UGP2: variants seen among roughly 807,000 people sequenced by gnomAD.
The protein encoded by UGP2 is UDP-glucose pyrophosphorylase 2.
UGP2 carries 40 observed loss-of-function variants against 49.0 expected under a neutral mutation model. That is an observed-to-expected ratio of 0.82 (90% CI 0.63 to 1.06). The LOEUF is 1.06. Ranked by LOEUF, UGP2 falls within the 50% of genes least tolerant of loss-of-function variation. The pLI is 0.00. For missense variants in UGP2, 460 were observed against 603.5 expected, an observed-to-expected ratio of 0.76 and a Z score of 2.49; for synonymous variants, 225 against 213.0, an observed-to-expected ratio of 1.06 and a Z score of -0.49.
chr2:63,842,160 C>T lies in UGP2; in HGVS notation c.-26C>T, dbSNP rs749570144. The T allele has an allele frequency of 1.7e-5, 27 of 1,570,584 alleles. No individual in the cohort carries two copies. The highest frequency in any genetic ancestry group is 2.4e-5 in the South Asian group (2 of 84,346). On this transcript the variant is annotated 5_prime_UTR_variant, in exon 1 of 10. Coordinates refer to ENST00000337130, the MANE Select transcript of UGP2 (RefSeq NM_006759.4). ...CTCCTCTAGAAAAAAAAAAAAAAAGCCGGAGTATTTTACTAAGCCCCTAAA... is the reference window on the plus strand; with the variant it reads ...CTCCTCTAGAAAAAAAAAAAAAAAGTCGGAGTATTTTACTAAGCCCCTAAA...
chr2:63,875,205 G>T (rs1452536559), intron 3 of UGP2, among the ~76,000 whole-genome samples: 1 of 152,176 alleles, frequency 6.6e-6, no homozygotes, highest in African/African-American at 2.4e-5. Context: ...CAGTGTTCTT[G>T]GAACACTTTC....
intron 2 of UGP2, 68 bp downstream of exon 2, chr2:63,856,501 G>A (rs1669439720): frequency 6.7e-7 from 1 of 1,496,112 alleles, no homozygotes; most frequent in South Asian, 1.3e-5. Flanking sequence ...CTGAGTTGCT[G>A]CCGGTGATGA....
chr2:63,855,205 G>A (rs978567002), intron 1 of UGP2, among the ~76,000 whole-genome samples: 15 of 152,136 alleles, frequency 9.9e-5, no homozygotes, highest in Non-Finnish European at 1.5e-4. Flanking sequence ...TCAAATATAA[G>A]TGAAAGAATT....
At chr2:63,848,612 T>C (rs965130027) in intron 1 of UGP2, among the ~76,000 whole-genome samples, 1 of 152,220 alleles carries the variant, frequency 6.6e-6, no homozygotes, top group South Asian at 2.1e-4. Flanking sequence ...TCCGCCTGTC[T>C]TGGCCTCCCA....
At chr2:63,858,749 A>G (rs2104285715) in intron 3 of UGP2, among the ~76,000 whole-genome samples, 1 of 152,176 alleles carries the variant, frequency 6.6e-6, no homozygotes, top group South Asian at 2.1e-4. Context: ...TTTTCTTCCA[A>G]GAAAGAGTTA....
intron 3 of UGP2, among the ~76,000 whole-genome samples, chr2:63,870,445 C>T (rs1050756760): frequency 6.6e-6 from 1 of 152,050 alleles, no homozygotes; most frequent in African/African-American, 2.4e-5. Flanking sequence ...ATTTTATGAC[C>T]TATAAAATTT....
Position 63,886,247 on chromosome 2 carries a change from T to A in UGP2, c.874-94T>A, listed in dbSNP as rs557183764. 5.0e-6 allele frequency: 6 copies of A among 1,203,010 alleles called. No homozygotes were observed. In the African/African-American group the frequency reaches 6.1e-5, roughly 12 times the overall value. 74.5% of individuals were successfully genotyped at this position (1,203,010 alleles called of 1,614,324 possible). A position where few individuals can be genotyped will look rare whatever the true frequency, so the allele number is the denominator to read the frequency against. On this transcript the variant is annotated intron_variant, in intron 6 of 9. Transcript: ENST00000337130. ...ATTTACTCTGTTTCTACATAATGTATTTATATATTTTTTGTATAATCACTA... is the reference window on the plus strand; with the variant it reads ...ATTTACTCTGTTTCTACATAATGTAATTATATATTTTTTGTATAATCACTA...
chr2:63,884,534 G>A lies in UGP2; in HGVS notation c.575+441G>A, dbSNP rs141634687. Among the ~76,000 whole-genome samples, 751 of 152,248 alleles carry A rather than the reference G, an allele frequency of 4.9e-3. 1 individual carries two copies. The highest frequency in any genetic ancestry group is 0.044 in the Middle Eastern group (13 of 294). ...TGAGTAAAAAGTAAATTCAGATGAT[G>A]AATTCTGATTGAAGGCCAGGAAACT... is the stretch of plus-strand genomic sequence containing the variant. On this transcript the variant is annotated intron_variant, in intron 5 of 9. Coordinates refer to ENST00000337130, the MANE Select transcript of UGP2 (RefSeq NM_006759.4).
intron 3 of UGP2, among the ~76,000 whole-genome samples, chr2:63,881,904 A>G (rs1010277752): frequency 6.6e-6 from 1 of 152,216 alleles, no homozygotes; most frequent in African/African-American, 2.4e-5. Flanking sequence ...CCTTGTGCAT[A>G]CCTAGAAGTT....
intron 3 of UGP2, among the ~76,000 whole-genome samples, chr2:63,860,763 T>A (rs1248073033): frequency 2.4e-5 from 2 of 85,038 alleles, no homozygotes; most frequent in African/African-American, 6.9e-5. Context: ...GCCCAGCTAA[T>A]TTTTTTTTTT....
chr2:63,866,161 T>C (rs1264855687), intron 3 of UGP2, among the ~76,000 whole-genome samples: 2 of 152,204 alleles, frequency 1.3e-5, no homozygotes, highest in Non-Finnish European at 2.9e-5. Flanking sequence ...GTCTAAGCTC[T>C]TGGTCCACTT....
chr2:63,856,152 CTAGT>C, intron 1 of UGP2, 150 bp from the exon 2 acceptor site: 2 of 847,506 alleles, frequency 2.4e-6, no homozygotes, highest in Non-Finnish European at 1.8e-6. Flanking sequence ...CGAGTCCTAA[CTAGT>C]TGACACCACT....
chr2:63,870,015 T>C (rs898665417), intron 3 of UGP2, among the ~76,000 whole-genome samples: 3 of 150,272 alleles, frequency 2.0e-5, no homozygotes, highest in Non-Finnish European at 4.4e-5. Flanking sequence ...CTCCACCTCC[T>C]AGGTTTACAC....
chr2:63,879,254 A>G (rs1412159149), intron 3 of UGP2, among the ~76,000 whole-genome samples: 3 of 152,224 alleles, frequency 2.0e-5, no homozygotes, highest in Non-Finnish European at 4.4e-5. Flanking sequence ...AAAGATACCT[A>G]TCTAATGTAC....
Position 63,863,740 on chromosome 2 carries a change from A to G in UGP2, c.255+5804A>G, listed in dbSNP as rs115584823. On this transcript the variant is annotated intron_variant, in intron 3 of 9. Transcript: ENST00000337130. ...CATTTTTAAAATTCCCACTGAGTCA[A>G]AGGAAGGACAAGGTAATAACTAAGA... Among the ~76,000 whole-genome samples, 660 of 152,320 alleles carry G rather than the reference A, an allele frequency of 4.3e-3. 5 individuals are homozygous for G. The highest frequency in any genetic ancestry group is 6.7e-3 in the Non-Finnish European group (455 of 68,014).
chr2:63,854,891 C>T (rs2104271427), intron 1 of UGP2: 1 of 152,386 alleles, frequency 6.6e-6, no homozygotes, highest in African/African-American at 2.4e-5. Flanking sequence ...AAGTCTGCCT[C>T]TGAAACTTAG....
rs1575868849 is a variant in UGP2 at position 63,891,508 on chromosome 2, AATG to A, written c.*287_*289del. On this transcript the variant is annotated 3_prime_UTR_variant, in exon 10 of 10. Transcript: ENST00000337130. ...TGGAAGAACTTTTAACAGAAGCCTC[AATG>A]ATGATCACTTTGAATTGCTTGTGAT... The A allele has an allele frequency of 4.2e-6, 1 of 239,452 alleles. No homozygotes were observed. The highest frequency in any genetic ancestry group is 8.9e-5 in the East Asian group (1 of 11,274). The allele number at this position is 239,452 out of a possible 1,614,324, so 14.8% of individuals were successfully genotyped here. A position where few individuals can be genotyped will look rare whatever the true frequency, so the allele number is the denominator to read the frequency against.
intron 1 of UGP2, chr2:63,855,520 G>GTTTTTTTTTTTTTTTTTCTTT: frequency 5.2e-6 from 1 of 192,240 alleles, no homozygotes. Flanking sequence ...TTCTTTTTCT[G>GTTTTTTTTTTTTTTTTTCTTT]TTTTTTTTTT....
At chr2:63,861,668 A>G (rs1347737811) in intron 3 of UGP2, among the ~76,000 whole-genome samples, 3 of 148,120 alleles carry the variant, frequency 2.0e-5, no homozygotes, top group Non-Finnish European at 3.0e-5. Flanking sequence ...AGCCTGGGCA[A>G]CAGAGTGAGA....
Sources: gnomAD v4.1 joint callset for allele counts (sites outside exome capture counted in the v4.1 genomes callset) on GRCh38, gnomAD v4.1.1 for gene constraint, MANE v1.5 for transcripts, NCBI Gene and HGNC (gene_info 2026-07-23, HGNC 2026-07-21) for gene names.